MYO1E: variants seen among roughly 807,000 people sequenced by gnomAD.
MYO1E encodes the protein myosin IE.
Under a neutral mutation model 151.1 loss-of-function variants are expected in MYO1E, and 68 were observed. The ratio of observed to expected loss-of-function variants is 0.45; its 90% CI spans 0.37 to 0.55. MYO1E has a LOEUF of 0.55. MYO1E is among the 20% of genes least tolerant of loss of function. The probability of loss-of-function intolerance (pLI) is 0.00; values close to 1 mark genes in which losing one functional copy is unlikely to be tolerated. For synonymous variants in MYO1E, 601 were observed against 501.7 expected, an observed-to-expected ratio of 1.20 and a Z score of -2.64; for missense variants, 1,363 against 1,389.3, an observed-to-expected ratio of 0.98 and a Z score of 0.30.
In MYO1E at chr15:59,151,692, T is replaced by C. The variant is rs112097708; in HGVS notation, c.3080+1898A>G. 2.4e-3 allele frequency among the ~76,000 whole-genome samples: 364 copies of C among 150,842 alleles called. 1 individual carries two copies. Among genetic ancestry groups the C allele is most frequent in the South Asian group, 2.7e-3 (13 of 4,764 alleles). ...CTTTGGGAGGCCAAGGCGGGTGGATTACTTGAGGTCAGGAGTTTGAGACCA... is the reference window on the plus strand; with the variant it reads ...CTTTGGGAGGCCAAGGCGGGTGGATCACTTGAGGTCAGGAGTTTGAGACCA... On this transcript the variant is annotated intron_variant, in intron 26 of 27. Transcript: ENST00000288235.
chr15:59,240,006 T>A (rs1381071639), intron 4 of MYO1E, among the ~76,000 whole-genome samples: 2 of 152,266 alleles, frequency 1.3e-5, no homozygotes, highest in African/African-American at 4.8e-5. Flanking sequence ...TTATTTACTT[T>A]GCATCTCACA....
intron 19 of MYO1E, 68 bp from the exon 20 acceptor site, chr15:59,174,308 G>C: frequency 9.0e-7 from 1 of 1,106,394 alleles, no homozygotes; most frequent in South Asian, 1.2e-5. Context: ...CACTTTTCTT[G>C]TTATTCCAGG....
chr15:59,209,542 G>C (rs1027309500), intron 13 of MYO1E, among the ~76,000 whole-genome samples: 7 of 151,950 alleles, frequency 4.6e-5, no homozygotes, highest in Non-Finnish European at 1.0e-4. Context: ...CAGGTGTGGT[G>C]GTGGGCGCCT....
In MYO1E at chr15:59,256,345, G is replaced by A. The variant is rs538173068; in HGVS notation, c.271C>T (p.Leu91Phe). The A allele has an allele frequency of 6.2e-7, 1 of 1,612,588 alleles. No individual in the cohort carries two copies. The highest frequency in any genetic ancestry group is 1.3e-5 in the African/African-American group (1 of 74,980). The change falls in exon 4 of 28, where the codon CTT becomes TTT. Residue 91 changes from leucine (L) to phenylalanine (F), a missense_variant. Physicochemically the swap from Leu to Phe is conservative, Grantham distance 22. Coordinates refer to ENST00000288235, the MANE Select transcript of MYO1E (RefSeq NM_004998.4). ...QYENPPHIYA[L>F]ADNMYRNMII... ...ATGTTTCTGTACATATTATCTGCAA[G>A]GGCATAGATATGTGGTGGGTTTTCA...
chr15:59,186,649 C>A (rs1220276135), intron 18 of MYO1E, among the ~76,000 whole-genome samples: 1 of 152,090 alleles, frequency 6.6e-6, no homozygotes, highest in African/African-American at 2.4e-5. Flanking sequence ...TACTTGCAGA[C>A]TGAGGTGGGA....
chr15:59,267,488 C>T (rs1377054432), intron 2 of MYO1E, among the ~76,000 whole-genome samples: 16 of 152,316 alleles, frequency 1.1e-4, no homozygotes, highest in African/African-American at 2.9e-4. Flanking sequence ...GGCTCCAGCC[C>T]GGCATCTGTC....
At chr15:59,360,950 T>A (rs532992613) in intron 1 of MYO1E, among the ~76,000 whole-genome samples, 24 of 152,336 alleles carry the variant, frequency 1.6e-4, no homozygotes, top group Admixed American at 3.9e-4. Flanking sequence ...CTTGACAGTG[T>A]GACTTGCTTC....
At chr15:59,209,951 C>T (rs1370660595) in intron 13 of MYO1E, among the ~76,000 whole-genome samples, 7 of 150,646 alleles carry the variant, frequency 4.6e-5, no homozygotes, top group African/African-American at 1.7e-4. Flanking sequence ...CCTCCCACCT[C>T]AGCCTCCAGA....
At chr15:59,238,982 G>T (rs2080082830) in intron 4 of MYO1E, among the ~76,000 whole-genome samples, 1 of 151,416 alleles carries the variant, frequency 6.6e-6, no homozygotes, top group Non-Finnish European at 1.5e-5. Flanking sequence ...AAGGTGGACG[G>T]ATCATTTGAG....
At chr15:59,277,202 T>A (rs562628710) in intron 1 of MYO1E, among the ~76,000 whole-genome samples, 2 of 152,226 alleles carry the variant, frequency 1.3e-5, no homozygotes, top group African/African-American at 4.8e-5. Flanking sequence ...GAAATCGGTA[T>A]TGAAATTTTA....
intron 1 of MYO1E, among the ~76,000 whole-genome samples, chr15:59,357,464 G>A (rs542400424): frequency 7.0e-6 from 1 of 142,938 alleles, no homozygotes; most frequent in Non-Finnish European, 1.5e-5. Flanking sequence ...TCACTCTGTC[G>A]CCCAGGCTGG....
intron 26 of MYO1E, among the ~76,000 whole-genome samples, chr15:59,147,552 G>A (rs1291175058): frequency 5.6e-5 from 7 of 124,440 alleles, no homozygotes; most frequent in Admixed American, 1.1e-4. Context: ...AGCCAGGATC[G>A]CGCCATTGCA....
chr15:59,362,086 CT>C (rs2080889046), intron 1 of MYO1E, among the ~76,000 whole-genome samples: 1 of 152,172 alleles, frequency 6.6e-6, no homozygotes, highest in Non-Finnish European at 1.5e-5. Flanking sequence ...ATCCACCCGC[CT>C]CGGCCTTCCA....
chr15:59,206,932 T>A lies in MYO1E; in HGVS notation c.1531-1447A>T, dbSNP rs190280256. Reference sequence around the variant, plus strand: ...CCATTCTCTCTCTCCACTTCTTCAGTGAGCAGCCATGAGTTGGACTGTGCC... The same window carrying A: ...CCATTCTCTCTCTCCACTTCTTCAGAGAGCAGCCATGAGTTGGACTGTGCC... On this transcript the variant is annotated intron_variant, in intron 14 of 27. Transcript: ENST00000288235. 101 of 1,605,246 alleles carry A rather than the reference T, an allele frequency of 6.3e-5. 1 individual carries two copies. In the African/African-American group the frequency reaches 1.3e-3, roughly 20 times the overall value.
At chr15:59,212,046 T>C (rs775043897) in intron 12 of MYO1E, among the ~76,000 whole-genome samples, 3 of 152,280 alleles carry the variant, frequency 2.0e-5, no homozygotes, top group South Asian at 2.1e-4. Flanking sequence ...TTCCACTTAC[T>C]GTAACACCCA....
intron 22 of MYO1E, among the ~76,000 whole-genome samples, chr15:59,165,390 T>C (rs569874097): frequency 6.6e-6 from 1 of 152,250 alleles, no homozygotes; most frequent in East Asian, 1.9e-4. Context: ...TCAGAACCCT[T>C]TACAGTGTTT....
chr15:59,216,590 G>GTATCTATCTATCTATC (rs1309666735), intron 10 of MYO1E, among the ~76,000 whole-genome samples: 721 of 61,180 alleles, frequency 0.012, 12 homozygotes, highest in African/African-American at 0.041. Flanking sequence ...GTGTGTGTGT[G>GTATCTATCTATCTATC]TGTGTATCTA....
intron 26 of MYO1E, among the ~76,000 whole-genome samples, chr15:59,145,534 G>A (rs1387782509): frequency 1.3e-5 from 2 of 152,112 alleles, no homozygotes; most frequent in Non-Finnish European, 2.9e-5. Context: ...TTACAAGCAT[G>A]TGCCAACAAG....
intron 4 of MYO1E, among the ~76,000 whole-genome samples, chr15:59,236,995 C>T (rs2080070993): frequency 6.6e-6 from 1 of 152,018 alleles, no homozygotes; most frequent in South Asian, 2.1e-4. Flanking sequence ...TGGAATTCTA[C>T]ATAAATTACA....
Sources: gnomAD v4.1 joint callset for allele counts (sites outside exome capture counted in the v4.1 genomes callset) on GRCh38, gnomAD v4.1.1 for gene constraint, MANE v1.5 for transcripts, NCBI Gene and HGNC (gene_info 2026-07-23, HGNC 2026-07-21) for gene names.